OCA2: variants seen among roughly 807,000 people sequenced by gnomAD.
OCA2 encodes the protein OCA2 melanosomal transmembrane protein, also known as P protein.
In OCA2, 77 loss-of-function variants were observed where a neutral mutation model predicts 100.2. The ratio of observed to expected loss-of-function variants is 0.77; its 90% CI spans 0.64 to 0.93. The LOEUF is 0.93. OCA2 is among the 40% of genes least tolerant of loss of function. The pLI, the probability that OCA2 is intolerant of heterozygous loss-of-function variation, is 0.00. For synonymous variants in OCA2, 432 were observed against 439.2 expected, an observed-to-expected ratio of 0.98 and a Z score of 0.21; for missense variants, 1,062 against 1,089.1, an observed-to-expected ratio of 0.98 and a Z score of 0.35.
In OCA2 at chr15:27,990,662, A is replaced by G. The variant is rs779461179; in HGVS notation, c.1045-15T>C. ...CTGTGCACGATCTGGAAAGAAGCAC[A>G]GGAAATTACCGCGTTCCAGTGCACG... On this transcript the variant is annotated splice_polypyrimidine_tract_variant and intron_variant, in intron 9 of 23. Transcript: ENST00000354638. 1 of 1,612,794 alleles carries G rather than the reference A, an allele frequency of 6.2e-7. No individual in the cohort carries two copies. The highest frequency in any genetic ancestry group is 8.5e-7 in the Non-Finnish European group (1 of 1,178,982).
intron 19 of OCA2, among the ~76,000 whole-genome samples, chr15:27,918,283 G>A (rs866991386): frequency 6.6e-6 from 1 of 151,954 alleles, no homozygotes; most frequent in South Asian, 2.1e-4. Flanking sequence ...TGTTGGCCAG[G>A]CTGGTCTCTA....
At chr15:27,829,990 G>T (rs1350518943) in intron 23 of OCA2, among the ~76,000 whole-genome samples, 1 of 152,154 alleles carries the variant, frequency 6.6e-6, no homozygotes, top group African/African-American at 2.4e-5. Flanking sequence ...TAATTCTCTT[G>T]ATGTTATTTT....
chr15:28,091,957 A>G (rs2044877259), intron 1 of OCA2, among the ~76,000 whole-genome samples: 1 of 152,216 alleles, frequency 6.6e-6, no homozygotes, highest in South Asian at 2.1e-4. Context: ...CTCCATCTCA[A>G]AAAAACAAAA....
chr15:28,075,016 A>T (rs1277783277), intron 2 of OCA2, among the ~76,000 whole-genome samples: 1 of 152,186 alleles, frequency 6.6e-6, no homozygotes, highest in East Asian at 1.9e-4. Flanking sequence ...GCAAAAATTC[A>T]CTCAAAATGG....
At chr15:27,762,489 T>C (rs1286376972) in intron 23 of OCA2, among the ~76,000 whole-genome samples, 1 of 152,206 alleles carries the variant, frequency 6.6e-6, no homozygotes, top group Non-Finnish European at 1.5e-5. Flanking sequence ...AGCAGAATAA[T>C]GAGCCATCTT....
At chr15:27,804,025 T>C (rs538784218) in intron 23 of OCA2, among the ~76,000 whole-genome samples, 54 of 152,246 alleles carry the variant, frequency 3.5e-4, no homozygotes, top group Non-Finnish European at 7.5e-4. Context: ...CAGGGGTACA[T>C]ATGTGAAAAC....
At chr15:27,898,547 T>C (rs181088823) in intron 19 of OCA2, among the ~76,000 whole-genome samples, 27 of 152,328 alleles carry the variant, frequency 1.8e-4, no homozygotes, top group African/African-American at 6.3e-4. Context: ...CAAAGAACTG[T>C]AAGTCCATTA....
At chr15:28,049,671 C>T (rs1302979824) in intron 2 of OCA2, among the ~76,000 whole-genome samples, 2 of 152,142 alleles carry the variant, frequency 1.3e-5, no homozygotes, top group Non-Finnish European at 2.9e-5. Context: ...TATGATGAAC[C>T]TTGAAAACAT....
chr15:27,886,438 A>G (rs1244056202), intron 19 of OCA2, among the ~76,000 whole-genome samples: 1 of 152,126 alleles, frequency 6.6e-6, no homozygotes, highest in Non-Finnish European at 1.5e-5. Context: ...ATGCATGGCA[A>G]CTCTTGTTTT....
In OCA2 at chr15:28,032,099, T is replaced by C. The variant is rs1183314534; in HGVS notation, c.292A>G (p.Thr98Ala). The C allele has an allele frequency of 6.2e-7, 1 of 1,613,684 alleles. No individual in the cohort carries two copies. The highest frequency in any genetic ancestry group is 2.2e-5 in the East Asian group (1 of 44,866). The change falls in exon 3 of 24, where the codon ACT (threonine) becomes GCT (alanine). Residue 98 changes from threonine (T) to alanine (A), a missense_variant. Thr to Ala is a moderately conservative substitution (Grantham distance 58). Coordinates refer to ENST00000354638, the MANE Select transcript of OCA2 (RefSeq NM_000275.3). ...TGTAAGGAATTCCTCAGCAAAGGAG[T>C]GTTTTCTGTAAAGCAGGAATCTTTA... is the stretch of plus-strand genomic sequence containing the variant. The part of the protein sequence containing the change: ...RSKDSCFTEN[T>A]PLLRNSLQEK...
intron 13 of OCA2, among the ~76,000 whole-genome samples, chr15:27,984,021 G>A (rs972283461): frequency 6.6e-6 from 1 of 150,522 alleles, no homozygotes; most frequent in African/African-American, 2.5e-5. Flanking sequence ...CATTTTCAGG[G>A]TGCATATGAT....
At chr15:27,766,496 T>C (rs1201525740) in intron 23 of OCA2, among the ~76,000 whole-genome samples, 1 of 152,156 alleles carries the variant, frequency 6.6e-6, no homozygotes, top group Non-Finnish European at 1.5e-5. Context: ...GGAACCTGTG[T>C]CCTGAGGGGT....
At chr15:28,023,262 G>C in intron 5 of OCA2, among the ~76,000 whole-genome samples, 1 of 152,194 alleles carries the variant, frequency 6.6e-6, no homozygotes, top group East Asian at 1.9e-4. Context: ...TGCTTTCAGA[G>C]CTCAATGTAA....
At chr15:28,044,492 C>T (rs962518125) in intron 2 of OCA2, among the ~76,000 whole-genome samples, 2 of 152,176 alleles carry the variant, frequency 1.3e-5, no homozygotes, top group South Asian at 2.1e-4. Context: ...CCTGGAGACT[C>T]GTCACAGTGA....
intron 22 of OCA2, among the ~76,000 whole-genome samples, chr15:27,850,807 G>T (rs549770286): frequency 6.6e-6 from 1 of 152,264 alleles, no homozygotes; most frequent in Admixed American, 6.5e-5. Flanking sequence ...AAGGTGATCA[G>T]GCTTCTTAGC....
chr15:27,976,710 C>T (rs1220470682), intron 14 of OCA2, among the ~76,000 whole-genome samples: 1 of 152,062 alleles, frequency 6.6e-6, no homozygotes, highest in East Asian at 1.9e-4. Flanking sequence ...GTTGCCTTTT[C>T]TCATACTGGT....
intron 23 of OCA2, among the ~76,000 whole-genome samples, chr15:27,814,935 GATAGATAGATAC>G (rs2034231799): frequency 6.9e-6 from 1 of 145,210 alleles, no homozygotes; most frequent in Non-Finnish European, 1.5e-5. Flanking sequence ...TAGATAGATA[GATAGATAGATAC>G]AGAGATATAT....
chr15:28,092,627 A>G (rs759758896), intron 1 of OCA2, among the ~76,000 whole-genome samples: 1 of 152,240 alleles, frequency 6.6e-6, no homozygotes, highest in African/African-American at 2.4e-5. Flanking sequence ...TCCTGGGATT[A>G]CAGGTATGAA....
chr15:27,829,994 T>C (rs1384862631), intron 23 of OCA2, among the ~76,000 whole-genome samples: 1 of 152,248 alleles, frequency 6.6e-6, no homozygotes, highest in Non-Finnish European at 1.5e-5. Context: ...TCTCTTGATG[T>C]TATTTTAAGG....
Sources: allele counts gnomAD v4.1 joint callset (sites outside exome capture counted in the v4.1 genomes callset), GRCh38; gene constraint gnomAD v4.1.1; transcripts MANE v1.5; gene names NCBI Gene and HGNC (gene_info 2026-07-23, HGNC 2026-07-21).